NAV1: variants seen among roughly 807,000 people sequenced by gnomAD.
The protein encoded by NAV1 is pore membrane and/or filament interacting like protein 3.
A neutral mutation model predicts 175.2 loss-of-function variants in NAV1; 18 were observed. The observed-to-expected ratio is 0.10, with a 90% CI of 0.07 to 0.15. NAV1 has a LOEUF of 0.15. Ranked by LOEUF, NAV1 falls within the 10% of genes least tolerant of loss-of-function variation. The pLI is 1.00. For synonymous variants in NAV1, 897 were observed against 978.7 expected, an observed-to-expected ratio of 0.92 and a Z score of 1.56; for missense variants, 1,731 against 2,436.6, an observed-to-expected ratio of 0.71 and a Z score of 6.10.
At chr1:201,778,887 T>C (rs558918617) in intron 3 of NAV1, among the ~76,000 whole-genome samples, 3 of 152,362 alleles carry the variant, frequency 2.0e-5, no homozygotes, top group East Asian at 1.9e-4. Context: ...AGATAGCAGC[T>C]AATTCACACA....
chr1:201,624,217 T>C (rs974102798), intron 1 of NAV1, among the ~76,000 whole-genome samples: 1 of 152,152 alleles, frequency 6.6e-6, no homozygotes, highest in African/African-American at 2.4e-5. Flanking sequence ...TTGACATCCT[T>C]GTTGGTGGAG....
chr1:201,674,384 T>C (rs632081), intron 1 of NAV1, among the ~76,000 whole-genome samples: 6,147 of 123,462 alleles, frequency 0.05, 170 homozygotes, highest in Middle Eastern at 0.071. Context: ...CTGGAATGAG[T>C]GTGTGTTGGG....
chr1:201,544,437 A>G (rs1358482235), intron 1 of NAV1, among the ~76,000 whole-genome samples: 2 of 152,242 alleles, frequency 1.3e-5, no homozygotes, highest in Non-Finnish European at 2.9e-5. Context: ...AAACTTTCAA[A>G]GTTGGAAAGA....
At chr1:201,817,323 T>G (rs761967187) in intron 29 of NAV1, 38 bp downstream of exon 33, 395 of 1,588,088 alleles carry the variant, frequency 2.5e-4, no homozygotes, top group Non-Finnish European at 3.3e-4. Context: ...ATAAGACTAT[T>G]ATAGAACTGA....
intron 1 of NAV1, among the ~76,000 whole-genome samples, chr1:201,662,917 A>G (rs1339492123): frequency 1.4e-5 from 1 of 73,750 alleles, no homozygotes; most frequent in Non-Finnish European, 2.9e-5. Flanking sequence ...AACAAAAGGG[A>G]GAGTTTATTA....
chr1:201,629,119 G>C (rs1216979653), intron 1 of NAV1, among the ~76,000 whole-genome samples: 1 of 152,188 alleles, frequency 6.6e-6, no homozygotes, highest in East Asian at 1.9e-4. Context: ...AAGTGATAAC[G>C]TTCCTGGGAA....
intron 3 of NAV1, among the ~76,000 whole-genome samples, chr1:201,754,336 G>A (rs909849894): frequency 1.3e-5 from 2 of 152,206 alleles, no homozygotes; most frequent in Non-Finnish European, 2.9e-5. Context: ...GGCAGAGGAG[G>A]AAGAAGGAAT....
chr1:201,606,850 A>G (rs1667694734), intron 2 of NAV1, among the ~76,000 whole-genome samples: 2 of 152,228 alleles, frequency 1.3e-5, no homozygotes, highest in South Asian at 2.1e-4. Flanking sequence ...AACAGATGTA[A>G]TGAGTCAAAT....
intron 3 of NAV1, among the ~76,000 whole-genome samples, chr1:201,720,686 C>T (rs1197084601): frequency 5.3e-5 from 8 of 152,324 alleles, no homozygotes; most frequent in African/African-American, 1.9e-4. Context: ...AACAGTAGAA[C>T]TTATCTCAGG....
chr1:201,779,063 T>C (rs74486603), intron 3 of NAV1, among the ~76,000 whole-genome samples: 3,475 of 152,250 alleles, frequency 0.023, 132 homozygotes, highest in African/African-American at 0.079. Context: ...GCTGTAAAAC[T>C]TGAGTGAAAT....
At chr1:201,575,905 C>T (rs1489657174) in intron 1 of NAV1, among the ~76,000 whole-genome samples, 1 of 152,156 alleles carries the variant, frequency 6.6e-6, no homozygotes, top group Non-Finnish European at 1.5e-5. Flanking sequence ...ATTATTTATT[C>T]GTGCATGCTT....
At chr1:201,717,886 A>C (rs1413707048) in intron 2 of NAV1, among the ~76,000 whole-genome samples, 1 of 152,198 alleles carries the variant, frequency 6.6e-6, no homozygotes, top group Non-Finnish European at 1.5e-5. Flanking sequence ...ACCATTAACA[A>C]AATGACCAAG....
At chr1:201,815,338 T>TA (rs1678962212) in intron 28 of NAV1, among the ~76,000 whole-genome samples, 1 of 152,124 alleles carries the variant, frequency 6.6e-6, no homozygotes, top group South Asian at 2.1e-4. Flanking sequence ...GACCAGGAGT[T>TA]AAAGTCTAGC....
intron 2 of NAV1, among the ~76,000 whole-genome samples, chr1:201,594,152 C>T (rs1393819340): frequency 2.0e-5 from 3 of 151,766 alleles, no homozygotes; most frequent in African/African-American, 4.8e-5. Context: ...GAAGGGGACC[C>T]GAGCGGGTTG....
intron 1 of NAV1, among the ~76,000 whole-genome samples, chr1:201,583,974 G>GA (rs146512912): frequency 6.6e-6 from 1 of 152,294 alleles, no homozygotes; most frequent in Non-Finnish European, 1.5e-5. Context: ...TTCGTCCTCT[G>GA]AAAAATTAAA....
At chr1:201,798,691 C>G (rs537622770) in intron 15 of NAV1, 91 of 113,478 alleles carry the variant, frequency 8.0e-4, no homozygotes, top group African/African-American at 3.0e-3. Context: ...TTCATTTTCT[C>G]TCTCTTTTTT....
chr1:201,671,666 C>T (rs919676798), intron 1 of NAV1, among the ~76,000 whole-genome samples: 1 of 152,158 alleles, frequency 6.6e-6, no homozygotes, highest in African/African-American at 2.4e-5. Context: ...GTTGGGTGGA[C>T]GTCACTGGGA....
Position 201,787,025 on chromosome 1 carries a change from A to G in NAV1, c.2995+448A>G, listed in dbSNP as rs1473218301. Among the ~76,000 whole-genome samples the G allele has an allele frequency of 6.6e-6, 1 of 152,238 alleles. No homozygotes were observed. Among genetic ancestry groups the G allele is most frequent in the East Asian group, 1.9e-4 (1 of 5,202 alleles). On this transcript the variant is annotated intron_variant, in intron 9 of 29. Coordinates refer to ENST00000367296, the Ensembl canonical transcript of NAV1. The surrounding 1 kb of genome is among the most constrained non-coding windows in gnomAD (Gnocchi z 4.3). The stretch of plus-strand genomic sequence containing the variant: ...ACGAGATCTGCCTCCAAACTCAGCC[A>G]AGTCCAGATTCCTCAACTGCTCTGG...
intron 2 of NAV1, among the ~76,000 whole-genome samples, chr1:201,615,357 T>G (rs1030123191): frequency 1.3e-5 from 2 of 151,488 alleles, no homozygotes; most frequent in African/African-American, 2.4e-5. Context: ...CTCTGCCACC[T>G]GGGTTCAGGC....
Sources: allele counts gnomAD v4.1 joint callset (sites outside exome capture counted in the v4.1 genomes callset), GRCh38; gene constraint gnomAD v4.1.1; non-coding constraint Gnocchi (gnomAD v3.1); transcripts MANE v1.5; gene names NCBI Gene and HGNC (gene_info 2026-07-23, HGNC 2026-07-21).